Variants in SNTG2 observed in about 807,000 individuals in gnomAD.
SNTG2 encodes the protein syntrophin gamma 2, also known as gamma-2-syntrophin.
Under a neutral mutation model 70.9 loss-of-function variants are expected in SNTG2, and 74 were observed. The ratio of observed to expected loss-of-function variants is 1.04; its 90% confidence interval spans 0.86 to 1.27. SNTG2 has a LOEUF of 1.27. Among genes scored for constraint, SNTG2 ranks in the 50% most tolerant of loss-of-function variants. SNTG2 has a pLI of 0.00. For missense variants in SNTG2, 717 were observed against 690.7 expected (o/e 1.04, Z -0.43); for synonymous variants, 278 against 273.8 (o/e 1.02, Z -0.15).
intron 1 of SNTG2, among the ~76,000 whole-genome samples, chr2:1,081,310 G>A (rs1664279203): frequency 6.6e-6 from 1 of 152,232 alleles, no homozygotes; most frequent in South Asian, 2.1e-4. Context: ...TATCCTCACA[G>A]GTGTGGTGAG....
At chr2:1,114,408 CAT>C (rs987676684) in intron 4 of SNTG2, among the ~76,000 whole-genome samples, 31 of 151,352 alleles carry the variant, frequency 2.0e-4, no homozygotes, top group African/African-American at 2.2e-4. Context: ...TGAGGAGAAT[CAT>C]GTGTACTAAG....
At position 1,339,292 on chromosome 2, in the gene SNTG2, A is replaced by G. The variant is rs186947387; in HGVS notation, c.1488+22917A>G. ...CTTCTAAGATATATGATGTGTAAATATTTTCTTCCATTCTGTAGTTTGTCT... is the reference window on the plus strand; with the variant it reads ...CTTCTAAGATATATGATGTGTAAATGTTTTCTTCCATTCTGTAGTTTGTCT... On this transcript the variant is annotated intron_variant, in intron 16 of 16. Coordinates refer to ENST00000308624, the MANE Select transcript of SNTG2 (RefSeq NM_018968.4). Among the ~76,000 whole-genome samples the G allele has an allele frequency of 1.1e-3, 173 of 152,256 alleles. 3 individuals are homozygous for G. Among genetic ancestry groups the G allele is most frequent in the Non-Finnish European group, 1.0e-3 (70 of 68,014 alleles).
rs867148287 is a variant in SNTG2 at position 1,031,526 on chromosome 2, A to T, written c.73-51992A>T. On this transcript the variant is annotated intron_variant, in intron 1 of 16. Transcript: ENST00000308624. ...TTCATTGTTATATATATATATATAT[A>T]TATTTTTTTTTTTTTTTTTTTTGAG... 1.7e-3 allele frequency among the ~76,000 whole-genome samples: 93 copies of T among 54,144 alleles called. 1 individual carries two copies. Among genetic ancestry groups the T allele is most frequent in the South Asian group, 2.7e-3 (4 of 1,502 alleles). 35.5% of individuals were successfully genotyped at this position (54,144 alleles called of 152,430 possible). A position where few individuals can be genotyped will look rare whatever the true frequency, so the allele number is the denominator to read the frequency against.
chr2:1,329,478 A>T (rs534056372), intron 16 of SNTG2, among the ~76,000 whole-genome samples: 7 of 152,162 alleles, frequency 4.6e-5, no homozygotes, highest in Admixed American at 1.3e-4. Context: ...CTTGAGAAAG[A>T]AAGTTCTGGT....
chr2:1,120,802 G>A (rs111934017), intron 4 of SNTG2, among the ~76,000 whole-genome samples: 1,976 of 152,130 alleles, frequency 0.013, 35 homozygotes, highest in African/African-American at 0.042. Context: ...CAATACAACA[G>A]TAATAGGGGA....
intron 4 of SNTG2, among the ~76,000 whole-genome samples, chr2:1,110,131 T>C (rs2148244870): frequency 6.6e-6 from 1 of 152,194 alleles, no homozygotes; most frequent in Middle Eastern, 3.4e-3. Flanking sequence ...AAAACCCAGG[T>C]CCCAAAGCTC....
chr2:1,179,319 T>C (rs745989437), intron 8 of SNTG2, among the ~76,000 whole-genome samples: 18 of 152,182 alleles, frequency 1.2e-4, no homozygotes. Context: ...TCTGCTCTGA[T>C]TTTAGTTAGC....
intron 1 of SNTG2, among the ~76,000 whole-genome samples, chr2:1,002,834 T>C (rs1047370555): frequency 6.6e-6 from 1 of 151,618 alleles, no homozygotes; most frequent in Non-Finnish European, 1.5e-5. Context: ...GTAGCAAATA[T>C]CTAGAATCAA....
intron 9 of SNTG2, among the ~76,000 whole-genome samples, chr2:1,226,841 T>C (rs2148062786): frequency 6.6e-6 from 1 of 152,346 alleles, no homozygotes; most frequent in Non-Finnish European, 1.5e-5. Context: ...TGTTTCAAAT[T>C]GATTGTATTT....
chr2:993,278 A>G (rs375367158), intron 1 of SNTG2, among the ~76,000 whole-genome samples: 1 of 128,714 alleles, frequency 7.8e-6, no homozygotes, highest in African/African-American at 3.0e-5. Context: ...TCCTGTGTCC[A>G]TGTGATCTCA....
chr2:984,894 C>T (rs1228754605), intron 1 of SNTG2, among the ~76,000 whole-genome samples: 1 of 152,202 alleles, frequency 6.6e-6, no homozygotes, highest in Non-Finnish European at 1.5e-5. Flanking sequence ...GTTTTATTAT[C>T]AATCAGAATT....
At chr2:1,127,687 A>C (rs1409858542) in intron 4 of SNTG2, among the ~76,000 whole-genome samples, 3 of 151,788 alleles carry the variant, frequency 2.0e-5, no homozygotes, top group Non-Finnish European at 1.5e-5. Flanking sequence ...ATTTATTCCA[A>C]GGGGTGTGTG....
intron 4 of SNTG2, among the ~76,000 whole-genome samples, chr2:1,116,439 G>A (rs1666970393): frequency 6.6e-6 from 1 of 151,966 alleles, no homozygotes; most frequent in African/African-American, 2.4e-5. Flanking sequence ...CTCTTGCATG[G>A]GGGTGCTCTG....
intron 13 of SNTG2, among the ~76,000 whole-genome samples, chr2:1,262,649 GT>G (rs200482953): frequency 3.9e-5 from 6 of 152,174 alleles, no homozygotes; most frequent in Middle Eastern, 3.4e-3. Context: ...CAGTCCAGAC[GT>G]AGTAACCGGA....
chr2:1,177,648 A>C (rs561636594), intron 8 of SNTG2, among the ~76,000 whole-genome samples: 95 of 152,242 alleles, frequency 6.2e-4, no homozygotes, highest in Admixed American at 1.9e-3. Flanking sequence ...AAAATTCTAT[A>C]ATACCCAGCA....
At chr2:1,229,956 C>G (rs1293433484) in intron 9 of SNTG2, among the ~76,000 whole-genome samples, 1 of 152,218 alleles carries the variant, frequency 6.6e-6, no homozygotes, top group Non-Finnish European at 1.5e-5. Context: ...CACGCAGCCC[C>G]CGTTCCCGCT....
chr2:1,261,384 T>G (rs1678406094), intron 13 of SNTG2, among the ~76,000 whole-genome samples: 1 of 152,230 alleles, frequency 6.6e-6, no homozygotes, highest in African/African-American at 2.4e-5. Flanking sequence ...AGTACACTCA[T>G]TAATATTTAG....
chr2:1,248,005 A>G (rs1309074255), intron 12 of SNTG2, among the ~76,000 whole-genome samples: 5 of 152,170 alleles, frequency 3.3e-5, no homozygotes, highest in Non-Finnish European at 5.9e-5. Flanking sequence ...AAGTTTATCA[A>G]TTTAAACAGC....
intron 7 of SNTG2, among the ~76,000 whole-genome samples, chr2:1,168,926 T>C (rs1670936515): frequency 6.6e-6 from 1 of 152,078 alleles, no homozygotes; most frequent in African/African-American, 2.4e-5. Context: ...GGGAGCGAAA[T>C]GTCACACGCG....
Sources: gnomAD v4.1 joint callset for allele counts (sites outside exome capture counted in the v4.1 genomes callset) on GRCh38, gnomAD v4.1.1 for gene constraint, MANE v1.5 for transcripts, NCBI Gene and HGNC (gene_info 2026-07-23, HGNC 2026-07-21) for gene names.